PIP5K1B: variants seen among roughly 807,000 people sequenced by gnomAD.
The protein encoded by PIP5K1B is phosphatidylinositol 4-phosphate 5-kinase type-1 beta.
Under a neutral mutation model 67.0 loss-of-function variants are expected in PIP5K1B, and 42 were observed. That is an observed-to-expected ratio of 0.63 (90% CI 0.49 to 0.81). PIP5K1B has a LOEUF of 0.81. Ranked by LOEUF, PIP5K1B falls within the 30% of genes least tolerant of loss-of-function variation. PIP5K1B has a pLI of 0.00. For missense variants in PIP5K1B, 459 were observed against 646.3 expected, an observed-to-expected ratio of 0.71 and a Z score of 3.14; for synonymous variants, 214 against 231.4, an observed-to-expected ratio of 0.92 and a Z score of 0.68.
intron 2 of PIP5K1B, among the ~76,000 whole-genome samples, chr9:68,755,584 C>T (rs1390575200): frequency 6.6e-6 from 1 of 152,098 alleles, no homozygotes; most frequent in African/African-American, 2.4e-5. Context: ...TAGGGATAAC[C>T]ACTGTTGATA....
At chr9:68,748,266 A>T (rs1472062902) in intron 2 of PIP5K1B, among the ~76,000 whole-genome samples, 1 of 152,186 alleles carries the variant, frequency 6.6e-6, no homozygotes. Flanking sequence ...ATATCAAAAC[A>T]TTTCTGGGAT....
intron 2 of PIP5K1B, among the ~76,000 whole-genome samples, chr9:68,758,658 G>A (rs2132380340): frequency 6.6e-6 from 1 of 152,054 alleles, no homozygotes; most frequent in East Asian, 1.9e-4. Context: ...CATGGCATCA[G>A]AACCCCAGGA....
chr9:68,795,323 A>G (rs982998177), intron 2 of PIP5K1B, among the ~76,000 whole-genome samples: 1 of 152,164 alleles, frequency 6.6e-6, no homozygotes, highest in Non-Finnish European at 1.5e-5. Context: ...GTTAAATGGG[A>G]GTGGTTCTTA....
intron 12 of PIP5K1B, among the ~76,000 whole-genome samples, chr9:68,934,225 C>T (rs1031662414): frequency 6.6e-6 from 1 of 152,206 alleles, no homozygotes; most frequent in East Asian, 1.9e-4. Context: ...TGGTGAAGTA[C>T]ATTTTCATTA....
At chr9:68,752,613 A>G (rs1829691625) in intron 2 of PIP5K1B, among the ~76,000 whole-genome samples, 1 of 150,560 alleles carries the variant, frequency 6.6e-6, no homozygotes, top group Non-Finnish European at 1.5e-5. Context: ...CAGAAAAATC[A>G]TGTTTCTAGG....
intron 14 of PIP5K1B, among the ~76,000 whole-genome samples, chr9:68,950,600 G>C (rs1321110685): frequency 6.6e-6 from 1 of 152,248 alleles, no homozygotes; most frequent in East Asian, 1.9e-4. Flanking sequence ...TGTGGGCCTG[G>C]GATCTGTAAC....
At chr9:68,741,676 T>C (rs765015731) in intron 1 of PIP5K1B, 2 of 152,256 alleles carry the variant, frequency 1.3e-5, no homozygotes, top group African/African-American at 2.4e-5. Flanking sequence ...AGCAAAGAGA[T>C]AGAGAAGGGA....
rs543582316 is a variant in PIP5K1B at position 68,823,401 on chromosome 9, C to G, written c.69+718C>G. Among the ~76,000 whole-genome samples the G allele has an allele frequency of 1.0e-3, 153 of 152,186 alleles. 1 individual carries two copies. Among genetic ancestry groups the G allele is most frequent in the Non-Finnish European group, 1.2e-3 (84 of 68,036 alleles). The stretch of plus-strand genomic sequence containing the variant: ...TAATATATGAATCCTTTAATGGACT[C>G]ACTACTTTCCACCAACATTTAAAAC... On this transcript the variant is annotated intron_variant, in intron 4 of 15. Transcript: ENST00000265382.
Position 68,806,697 on chromosome 9 carries a change from C to T in PIP5K1B, c.-85-11764C>T, listed in dbSNP as rs955078982. Among the ~76,000 whole-genome samples, 5 of 152,304 alleles carry T rather than the reference C, an allele frequency of 3.3e-5. 1 individual carries two copies. Among genetic ancestry groups the T allele is most frequent in the Middle Eastern group, 3.4e-3 (1 of 294 alleles). ...CCTTCTCCACGCCTGCTCCTTCCCTCCTGCTCTGACATCTCTCATCCATGA... is the reference window on the plus strand; with the variant it reads ...CCTTCTCCACGCCTGCTCCTTCCCTTCTGCTCTGACATCTCTCATCCATGA... On this transcript the variant is annotated intron_variant, in intron 2 of 15. Coordinates refer to ENST00000265382, the MANE Select transcript of PIP5K1B (RefSeq NM_003558.4).
intron 2 of PIP5K1B, among the ~76,000 whole-genome samples, chr9:68,777,701 T>C (rs927970680): frequency 6.6e-6 from 1 of 152,248 alleles, no homozygotes; most frequent in African/African-American, 2.4e-5. Context: ...CCTTGTGTTT[T>C]ATTAGTAAAG....
chr9:68,879,914 A>G (rs956459019), intron 6 of PIP5K1B, among the ~76,000 whole-genome samples: 5 of 152,242 alleles, frequency 3.3e-5, no homozygotes, highest in South Asian at 2.1e-4. Flanking sequence ...CCATTCCACA[A>G]TGTATACATG....
chr9:68,743,357 C>T (rs913813664), intron 2 of PIP5K1B, among the ~76,000 whole-genome samples: 1 of 152,076 alleles, frequency 6.6e-6, no homozygotes, highest in Non-Finnish European at 1.5e-5. Flanking sequence ...TTCCATGCCA[C>T]CATGCCTGGC....
At chr9:68,753,581 G>A (rs918097896) in intron 2 of PIP5K1B, among the ~76,000 whole-genome samples, 4 of 121,682 alleles carry the variant, frequency 3.3e-5, no homozygotes, top group Non-Finnish European at 6.4e-5. Context: ...CTGGAGTGCA[G>A]TGGCGTGATC....
chr9:68,791,956 C>T (rs1405730439), intron 2 of PIP5K1B, among the ~76,000 whole-genome samples: 5 of 152,164 alleles, frequency 3.3e-5, no homozygotes, highest in Admixed American at 2.6e-4. Context: ...AAGCTGTGTC[C>T]TCTGCTTAAA....
intron 7 of PIP5K1B, among the ~76,000 whole-genome samples, chr9:68,893,333 C>CTTTTTTTTTTTTTT (rs397792694): frequency 1.6e-4 from 18 of 110,970 alleles, no homozygotes; most frequent in South Asian, 5.8e-4. Context: ...TATTTTTTTT[C>CTTTTTTTTTTTTTT]TTTTTTTTTT....
At chr9:68,855,778 A>C (rs1447218556) in intron 4 of PIP5K1B, among the ~76,000 whole-genome samples, 2 of 152,018 alleles carry the variant, frequency 1.3e-5, no homozygotes, top group Non-Finnish European at 2.9e-5. Flanking sequence ...CTCCAATGAA[A>C]CTGGTTGTAG....
Position 68,876,680 on chromosome 9 carries a change from A to C in PIP5K1B, c.204A>C (p.Glu68Asp). 6.5e-7 allele frequency: 1 copy of C among 1,546,324 alleles called. No individual in the cohort carries two copies. The highest frequency in any genetic ancestry group is 8.9e-7 in the Non-Finnish European group (1 of 1,118,466). Residue 68 changes from glutamate (E) to aspartate (D), a missense_variant, in exon 6 of 16, where the codon GAA becomes GAC. By Grantham distance (45) the Glu-to-Asp change is conservative. This residue lies in a region of PIP5K1B where 290 missense variants were observed against 474.4 expected (regional missense o/e 0.61). Coordinates refer to ENST00000265382, the MANE Select transcript of PIP5K1B (RefSeq NM_003558.4). ...YVVESVFLPS[E>D]GSNLTPAHHY... ...CTTTTTAATATTTTGACTTCAGCGAAGGGAGCAATCTGACCCCAGCACATC... is the reference window on the plus strand; with the variant it reads ...CTTTTTAATATTTTGACTTCAGCGACGGGAGCAATCTGACCCCAGCACATC...
chr9:68,751,020 G>C (rs1180426621), intron 2 of PIP5K1B, among the ~76,000 whole-genome samples: 1 of 152,134 alleles, frequency 6.6e-6, no homozygotes, highest in Non-Finnish European at 1.5e-5. Flanking sequence ...ATGTGGCTTT[G>C]GTTTATCCCA....
chr9:68,810,866 T>G (rs896864663), intron 2 of PIP5K1B, among the ~76,000 whole-genome samples: 3 of 152,246 alleles, frequency 2.0e-5, no homozygotes, highest in Non-Finnish European at 4.4e-5. Flanking sequence ...TGATTGCACT[T>G]ACAAATTGAA....
Sources: allele counts gnomAD v4.1 joint callset (sites outside exome capture counted in the v4.1 genomes callset), GRCh38; gene constraint gnomAD v4.1.1; regional missense constraint gnomAD v4.1.1; transcripts MANE v1.5; gene names NCBI Gene and HGNC (gene_info 2026-07-23, HGNC 2026-07-21).